Variants in TRIM37 observed in about 807,000 individuals in gnomAD.
The protein encoded by TRIM37 is tripartite motif containing 37.
In TRIM37, 80 loss-of-function variants were observed where a neutral mutation model predicts 129.8. The observed-to-expected ratio is 0.62, with a 90% CI of 0.51 to 0.74. TRIM37 has a LOEUF of 0.74. Among genes scored for constraint, TRIM37 ranks in the 30% least tolerant of loss-of-function variants. The probability of loss-of-function intolerance (pLI) is 0.00; values close to 1 mark genes in which losing one functional copy is unlikely to be tolerated. For synonymous variants in TRIM37, 389 were observed against 387.1 expected, an observed-to-expected ratio of 1.00 and a Z score of -0.06; for missense variants, 1,054 against 1,176.5, an observed-to-expected ratio of 0.90 and a Z score of 1.52.
At chr17:59,104,204 A>C in intron 2 of TRIM37, 89 bp downstream of exon 2, 1 of 1,350,464 alleles carries the variant, frequency 7.4e-7, no homozygotes, top group Non-Finnish European at 1.0e-6. Flanking sequence ...TTAGGGCAAA[A>C]AATGTAAAAT....
intron 5 of TRIM37, among the ~76,000 whole-genome samples, chr17:59,081,961 A>ATAATAATAATAATAATAAT (rs1248128507): frequency 9.1e-6 from 1 of 110,402 alleles, no homozygotes; most frequent in African/African-American, 3.7e-5. Flanking sequence ...AATAAAAAAA[A>ATAATAATAATAATAATAAT]AAAAATAATA....
At chr17:59,102,393 T>C (rs1049459917) in intron 2 of TRIM37, among the ~76,000 whole-genome samples, 7 of 152,238 alleles carry the variant, frequency 4.6e-5, no homozygotes, top group African/African-American at 1.7e-4. Flanking sequence ...ATCCAGATTC[T>C]ACCACTTAAT....
chr17:59,033,125 T>C (rs772417300), intron 17 of TRIM37, among the ~76,000 whole-genome samples: 7 of 152,162 alleles, frequency 4.6e-5, no homozygotes, highest in Non-Finnish European at 7.4e-5. Context: ...TTTAAAGAGA[T>C]AGAACATTTT....
chr17:59,015,978 A>AAAAAC (rs2035881683), intron 20 of TRIM37, among the ~76,000 whole-genome samples, 179 bp from the exon 21 acceptor site: 6 of 151,858 alleles, frequency 4.0e-5, no homozygotes, highest in Admixed American at 3.9e-4. Context: ...TCTGTCTCCA[A>AAAAAC]AAAATAAAAT....
intron 24 of TRIM37, among the ~76,000 whole-genome samples, chr17:58,991,948 A>G (rs2032450855): frequency 6.6e-6 from 1 of 152,074 alleles, no homozygotes. Flanking sequence ...GTTATGGGCA[A>G]AGTCTTCCAC....
chr17:59,032,875 T>C (rs954835599), intron 17 of TRIM37, among the ~76,000 whole-genome samples: 1 of 152,190 alleles, frequency 6.6e-6, no homozygotes. Context: ...GTAGACTTTT[T>C]CTACTTTGAT....
rs574382885 is a variant in TRIM37 at position 59,028,895 on chromosome 17, C to A, written c.1949-172G>T. On this transcript the variant is annotated intron_variant, in intron 18 of 23. Transcript: ENST00000262294. ...ATGAAAATAAAGATAAAGAATCCTA[C>A]CTTATTCACACCTTCAGAGTTAGAA... Among the ~76,000 whole-genome samples, 5 of 152,226 alleles carry A rather than the reference C, an allele frequency of 3.3e-5. No homozygotes were observed. The East Asian group carries it at 9.6e-4, about 29-fold the overall frequency.
At chr17:59,064,477 T>A (rs2041770220) in intron 9 of TRIM37, 72 bp from the exon 10 acceptor site, 8 of 1,069,312 alleles carry the variant, frequency 7.5e-6, no homozygotes, top group Non-Finnish European at 1.1e-5. Context: ...AAAAGCCAAG[T>A]CCCTCACTAG....
chr17:59,043,934 C>T (rs945186008), intron 16 of TRIM37, among the ~76,000 whole-genome samples: 2 of 152,178 alleles, frequency 1.3e-5, no homozygotes, highest in Admixed American at 1.3e-4. Flanking sequence ...AGAGCATCAA[C>T]GAAATATAGT....
chr17:59,089,413 C>A (rs543015264), intron 3 of TRIM37, among the ~76,000 whole-genome samples: 1 of 152,128 alleles, frequency 6.6e-6, no homozygotes, highest in Admixed American at 6.6e-5. Flanking sequence ...GAGGCCACAG[C>A]GGGTGGATCA....
intron 24 of TRIM37, chr17:58,982,929 A>G (rs376753730): frequency 3.9e-5 from 61 of 1,574,708 alleles, no homozygotes; most frequent in Non-Finnish European, 5.0e-5. Flanking sequence ...TATCTAAGAA[A>G]ACAAGAAAAC....
intron 24 of TRIM37, among the ~76,000 whole-genome samples, chr17:58,991,595 TGAC>T (rs1472412308): frequency 6.6e-6 from 1 of 152,186 alleles, no homozygotes; most frequent in Non-Finnish European, 1.5e-5. Flanking sequence ...CCAAATCAGA[TGAC>T]GACAGAAAAT....
At chr17:58,980,271 G>A (rs2031279035), downstream of TRIM37, 1 of 1,614,040 alleles carries the variant, frequency 6.2e-7, no homozygotes, top group African/African-American at 1.3e-5. This position sits in a 1 kb window ranked among gnomAD's most constrained non-coding sequence, Gnocchi z 4.7. Context: ...GAATCAGATT[G>A]GACAGAGAAC....
intron 2 of TRIM37, among the ~76,000 whole-genome samples, chr17:59,092,754 A>G (rs1241937436): frequency 1.3e-5 from 2 of 152,218 alleles, no homozygotes; most frequent in Admixed American, 1.3e-4. Context: ...CATGAGCTTT[A>G]ACTTGATGCC....
At chr17:59,089,305 T>C (rs767345096) in intron 3 of TRIM37, among the ~76,000 whole-genome samples, 9 of 151,734 alleles carry the variant, frequency 5.9e-5, no homozygotes, top group Non-Finnish European at 1.2e-4. Context: ...TCCAAAACGA[T>C]AGCCACTAGC....
chr17:58,998,997 AAGACAGT>A lies in TRIM37; in HGVS notation c.*373_*379del. ...TTTAAACACAACTAAGCTCTAGCCA[AAGACAGT>A]AGAGCACCAATGCCGGGCGGGTTAC... On this transcript the variant is annotated 3_prime_UTR_variant, in exon 24 of 24. Coordinates refer to ENST00000262294, the MANE Select transcript of TRIM37 (RefSeq NM_015294.6). The A allele has an allele frequency of 9.1e-7, 1 of 1,093,186 alleles. No individual in the cohort carries two copies. Among genetic ancestry groups the A allele is most frequent in the Non-Finnish European group, 1.1e-6 (1 of 894,114 alleles). The allele number at this position is 1,093,186 out of a possible 1,614,324, so 67.7% of individuals were successfully genotyped here.
rs112762655 is a variant in TRIM37, at chr17:59,031,925, C to T, written c.1919G>A (p.Arg640His). ...SIENLWGLQPRPPASLLQPTA... is the reference protein window; with the variant it reads ...SIENLWGLQPHPPASLLQPTA... ...GGGCTGCAGAAGTGAAGCAGGTGGG[C>T]GAGGCTGTAAGCCCCACAAATTTTC... The change falls in exon 18 of 24, where the codon CGC becomes CAC. Residue 640 changes from arginine (R) to histidine (H), a missense_variant. Physicochemically the swap from Arg to His is conservative, Grantham distance 29 (BLOSUM62 0). Transcript: ENST00000262294. The T allele has an allele frequency of 1.6e-3, 2,626 of 1,613,972 alleles. 4 individuals are homozygous for T. The highest frequency in any genetic ancestry group is 2.0e-3 in the Non-Finnish European group (2,406 of 1,179,936).
At chr17:59,103,387 G>A (rs2045697241) in intron 2 of TRIM37, among the ~76,000 whole-genome samples, 1 of 152,096 alleles carries the variant, frequency 6.6e-6, no homozygotes, top group Admixed American at 6.5e-5. Context: ...TGTCACCCAG[G>A]CTGGAGTGCA....
intron 13 of TRIM37, among the ~76,000 whole-genome samples, chr17:59,055,497 A>G (rs2040768645): frequency 6.6e-6 from 1 of 151,834 alleles, no homozygotes; most frequent in African/African-American, 2.4e-5. Flanking sequence ...GATCGAGACC[A>G]TCCTGGCTAA....
Sources: allele counts gnomAD v4.1 joint callset (sites outside exome capture counted in the v4.1 genomes callset), GRCh38; gene constraint gnomAD v4.1.1; non-coding constraint Gnocchi (gnomAD v3.1); transcripts MANE v1.5; gene names NCBI Gene and HGNC (gene_info 2026-07-23, HGNC 2026-07-21).